Variants in CLN5 observed in about 807,000 individuals in gnomAD.
The protein encoded by CLN5 is CLN5 lysosomal BMP synthase, also known as bis(monoacylglycero)phosphate synthase CLN5.
A neutral mutation model predicts 36.7 loss-of-function variants in CLN5; 34 were observed. The observed-to-expected ratio is 0.93, with a 90% CI of 0.71 to 1.23. The LOEUF is 1.23. Among genes scored for constraint, CLN5 ranks in the 50% most tolerant of loss-of-function variants. The pLI is 0.00. For missense variants in CLN5, 427 were observed against 439.4 expected, an observed-to-expected ratio of 0.97 and a Z score of 0.25; for synonymous variants, 151 against 155.1, an observed-to-expected ratio of 0.97 and a Z score of 0.20.
Position 76,995,211 on chromosome 13 carries a change from G to A in CLN5, c.322G>A (p.Asp108Asn). The A allele has an allele frequency of 6.2e-7, 1 of 1,614,084 alleles. No homozygotes were observed. Among genetic ancestry groups the A allele is most frequent in the Non-Finnish European group, 8.5e-7 (1 of 1,179,958 alleles). ...CCCAGTATGGGAATTTAAATATGGA[G>A]ACCTCCTGGGACACTTGGTAAGGAT... ...QAPVWEFKYG[D>N]LLGHLKIMHD... The change falls in exon 2 of 4, where the codon GAC becomes AAC. Residue 108 changes from aspartate (D) to asparagine (N), a missense_variant. Transcript: ENST00000377453.
In CLN5 at chr13:77,001,072, TAA is replaced by T; in HGVS notation, c.*105_*106del. 2.9e-6 allele frequency: 3 copies of T among 1,044,736 alleles called. No homozygotes were observed. The South Asian group carries it at 4.2e-5, about 14-fold the overall frequency. The allele number at this position is 1,044,736 out of a possible 1,614,324, so 64.7% of individuals were successfully genotyped here. On this transcript the variant is annotated 3_prime_UTR_variant, in exon 4 of 4. Transcript: ENST00000377453. ...TCCTTAGCCTTTCTTCCTTGGTGCATAAAGTTAAAATGCACATCAGCAGAATT... is the reference window on the plus strand; with the variant it reads ...TCCTTAGCCTTTCTTCCTTGGTGCATAGTTAAAATGCACATCAGCAGAATT...
Position 77,001,091 on chromosome 13 carries a change from A to C in CLN5, c.*122A>C, listed in dbSNP as rs1053461205. ...GGTGCATAAAGTTAAAATGCACATCAGCAGAATTGCTGCATATTAACATCT... is the reference window on the plus strand; with the variant it reads ...GGTGCATAAAGTTAAAATGCACATCCGCAGAATTGCTGCATATTAACATCT... On this transcript the variant is annotated 3_prime_UTR_variant, in exon 4 of 4. Transcript: ENST00000377453. The C allele has an allele frequency of 1.2e-6, 1 of 828,178 alleles. No individual in the cohort carries two copies. Among genetic ancestry groups the C allele is most frequent in the Non-Finnish European group, 1.9e-6 (1 of 524,398 alleles). 51.3% of individuals were successfully genotyped at this position (828,178 alleles called of 1,614,324 possible). A position where few individuals can be genotyped will look rare whatever the true frequency, so the allele number is the denominator to read the frequency against.
chr13:76,999,885 T>A (rs774241145), intron 3 of CLN5: 2 of 152,206 alleles, frequency 1.3e-5, no homozygotes, highest in Non-Finnish European at 2.9e-5. Flanking sequence ...GTATGTAAGA[T>A]GACTTCTCCT....
intron 2 of CLN5, chr13:76,995,479 G>A (rs781549123): frequency 3.8e-6 from 2 of 525,752 alleles, no homozygotes; most frequent in Non-Finnish European, 6.8e-6. Flanking sequence ...GCTCCTGGAA[G>A]GTGAGAAGAG....
In CLN5 at chr13:77,003,747, GAC is replaced by G. The variant is rs1566223659; in HGVS notation, c.*2779_*2780del. ...GGATCACTTGAGGTCAGGAGTTCGA[GAC>G]CAGCCTGGCCAACATGGTGAAACCC... On this transcript the variant is annotated 3_prime_UTR_variant, in exon 4 of 4. Coordinates refer to ENST00000377453, the MANE Select transcript of CLN5 (RefSeq NM_006493.4). 6.6e-6 allele frequency: 1 copy of G among 152,250 alleles called. No homozygotes were observed. Among genetic ancestry groups the G allele is most frequent in the Non-Finnish European group, 1.5e-5 (1 of 68,106 alleles). The allele number at this position is 152,250 out of a possible 1,614,324, so 9.4% of individuals were successfully genotyped here. A position where few individuals can be genotyped will look rare whatever the true frequency, so the allele number is the denominator to read the frequency against.
chr13:77,004,837 CAAGAT>C lies in CLN5; in HGVS notation c.*3872_*3876del, dbSNP rs1478017527. On this transcript the variant is annotated 3_prime_UTR_variant, in exon 4 of 4. Coordinates refer to ENST00000377453, the MANE Select transcript of CLN5 (RefSeq NM_006493.4). The stretch of plus-strand genomic sequence containing the variant: ...ATATGGTTACAACAGCCCAAATTAC[CAAGAT>C]AAGTTGAAAGCCAGTAAAACAATGA... 2.6e-5 allele frequency: 4 copies of C among 152,030 alleles called. No individual in the cohort carries two copies. The highest frequency in any genetic ancestry group is 7.2e-5 in the African/African-American group (3 of 41,388). The allele number at this position is 152,030 out of a possible 1,614,324, so 9.4% of individuals were successfully genotyped here. A position where few individuals can be genotyped will look rare whatever the true frequency, so the allele number is the denominator to read the frequency against.
chr13:76,993,357 TACA>T (rs1227465789), intron 1 of CLN5: 1 of 152,262 alleles, frequency 6.6e-6, no homozygotes, highest in Non-Finnish European at 1.5e-5. Flanking sequence ...CTGAAATGTT[TACA>T]ACACTTTTTT....
intron 1 of CLN5, chr13:76,992,487 C>A (rs576904990): frequency 1.7e-6 from 1 of 593,812 alleles, no homozygotes; most frequent in Admixed American, 3.2e-5. Context: ...ACCTTTCGTC[C>A]CCTCTGGTCA....
rs929479143 is a variant in CLN5, at chr13:77,000,656, A to C, written c.764A>C (p.Asn255Thr). 2.5e-6 allele frequency: 4 copies of C among 1,614,008 alleles called. No individual in the cohort carries two copies. The highest frequency in any genetic ancestry group is 3.4e-6 in the Non-Finnish European group (4 of 1,179,986). ...GCAGAGTTCAAGAACATAGAAACCA[A>C]CTATACAAGAATATTTCTTTACAGT... ...FGAEFKNIET[N>T]YTRIFLYSGE... The change falls in exon 4 of 4, where the codon AAC becomes ACC. Residue 255 changes from asparagine to threonine, a missense_variant. Coordinates refer to ENST00000377453, the MANE Select transcript of CLN5 (RefSeq NM_006493.4).
intron 1 of CLN5, 114 bp from the exon 2 acceptor site, chr13:76,994,949 A>T: frequency 2.3e-6 from 2 of 859,438 alleles, no homozygotes; most frequent in Non-Finnish European, 3.7e-6. Flanking sequence ...TATATTTATT[A>T]ACTATGGTCC....
rs2034358847 is a variant in CLN5 at position 77,001,260 on chromosome 13, AG to A, written c.*294del. 1 of 236,194 alleles carries A rather than the reference AG, an allele frequency of 4.2e-6. No individual in the cohort carries two copies. The highest frequency in any genetic ancestry group is 5.3e-5 in the Admixed American group (1 of 18,966). 14.6% of individuals were successfully genotyped at this position (236,194 alleles called of 1,614,324 possible). A position where few individuals can be genotyped will look rare whatever the true frequency, so the allele number is the denominator to read the frequency against. On this transcript the variant is annotated 3_prime_UTR_variant, in exon 4 of 4. Transcript: ENST00000377453. ...TCAGTTATGTAGGACCTTTGGACCC[AG>A]GGTCCTACAGATAGATATGGTGTGC...
At chr13:76,997,937 A>G (rs1431774531) in intron 3 of CLN5, 1 of 152,266 alleles carries the variant, frequency 6.6e-6, no homozygotes, top group African/African-American at 2.4e-5. Context: ...AATAATAGCT[A>G]CTAATATAGA....
rs562685794 is a variant in CLN5, at chr13:77,002,880, G to A, written c.*1911G>A. 1 of 152,162 alleles carries A rather than the reference G, an allele frequency of 6.6e-6. No homozygotes were observed. The highest frequency in any genetic ancestry group is 1.5e-5 in the Non-Finnish European group (1 of 68,030). 9.4% of individuals were successfully genotyped at this position (152,162 alleles called of 1,614,324 possible). ...TGGATTTCCAGAACTGCCTTGAAGA[G>A]ACAAAGATTCTTGTACCAAGTTTTG... On this transcript the variant is annotated 3_prime_UTR_variant, in exon 4 of 4. Coordinates refer to ENST00000377453, the MANE Select transcript of CLN5 (RefSeq NM_006493.4).
intron 3 of CLN5, 155 bp downstream of exon 3, chr13:76,996,282 A>G (rs1203303075): frequency 1.2e-5 from 8 of 648,788 alleles, no homozygotes; most frequent in Admixed American, 5.7e-5. Context: ...AATTTTTTTC[A>G]TCTCTTATTT....
intron 3 of CLN5, chr13:76,998,860 GTTCT>G (rs1354357280): frequency 5.9e-5 from 9 of 152,162 alleles, no homozygotes; most frequent in African/African-American, 1.9e-4. Context: ...ATCATTAGCG[GTTCT>G]TTCTTTCATT....
At chr13:76,995,620 C>T (rs1469558421) in intron 2 of CLN5, 2 of 518,946 alleles carry the variant, frequency 3.9e-6, no homozygotes, top group Non-Finnish European at 6.9e-6. Context: ...GGGGGCTCCT[C>T]ACACTTATTC....
At position 77,003,749 on chromosome 13, in the gene CLN5, C is replaced by G. The variant is rs2034400943; in HGVS notation, c.*2780C>G. The G allele has an allele frequency of 6.6e-6, 1 of 152,242 alleles. No homozygotes were observed. The highest frequency in any genetic ancestry group is 1.5e-5 in the Non-Finnish European group (1 of 68,110). The allele number at this position is 152,242 out of a possible 1,614,324, so 9.4% of individuals were successfully genotyped here. A position where few individuals can be genotyped will look rare whatever the true frequency, so the allele number is the denominator to read the frequency against. ...ATCACTTGAGGTCAGGAGTTCGAGA[C>G]CAGCCTGGCCAACATGGTGAAACCC... On this transcript the variant is annotated 3_prime_UTR_variant, in exon 4 of 4. Coordinates refer to ENST00000377453, the MANE Select transcript of CLN5 (RefSeq NM_006493.4).
intron 1 of CLN5, chr13:76,993,085 C>T (rs570232594): frequency 3.3e-5 from 5 of 152,332 alleles, no homozygotes; most frequent in African/African-American, 1.2e-4. Context: ...AAGTAATCAA[C>T]AGCTAAAACT....
Position 76,999,511 on chromosome 13 carries a change from T to G in CLN5, c.566-947T>G, listed in dbSNP as rs1003153819. 8 of 152,400 alleles carry G rather than the reference T, an allele frequency of 5.2e-5. No individual in the cohort carries two copies. The East Asian group carries it at 1.5e-3, about 29-fold the overall frequency. 9.4% of individuals were successfully genotyped at this position (152,400 alleles called of 1,614,324 possible). ...CTTAACGTGGCAGGTGGAGAGGTCATCAGCAGCATCCCAGCAACTCCAAGT... is the reference window on the plus strand; with the variant it reads ...CTTAACGTGGCAGGTGGAGAGGTCAGCAGCAGCATCCCAGCAACTCCAAGT... On this transcript the variant is annotated intron_variant, in intron 3 of 3. Transcript: ENST00000377453.
Sources: allele counts gnomAD v4.1 joint callset, GRCh38; gene constraint gnomAD v4.1.1; transcripts MANE v1.5; gene names NCBI Gene and HGNC (gene_info 2026-07-23, HGNC 2026-07-21).